RIMS2: variants seen among roughly 807,000 people sequenced by gnomAD.
The protein encoded by RIMS2 is regulating synaptic membrane exocytosis 2.
Under a neutral mutation model 174.4 loss-of-function variants are expected in RIMS2, and 59 were observed. The ratio of observed to expected loss-of-function variants is 0.34; its 90% CI spans 0.27 to 0.42. The LOEUF (loss-of-function observed/expected upper bound fraction) is 0.42. RIMS2 is among the 10% of genes least tolerant of loss of function. The probability of loss-of-function intolerance (pLI) is 1.00; values close to 1 mark genes in which losing one functional copy is unlikely to be tolerated. For missense variants in RIMS2, 1,620 were observed against 1,666.3 expected (o/e 0.97, Z 0.48); for synonymous variants, 606 against 572.5 (o/e 1.06, Z -0.84).
chr8:103,638,027 T>C (rs533111065), intron 1 of RIMS2, among the ~76,000 whole-genome samples: 1 of 152,278 alleles, frequency 6.6e-6, no homozygotes, highest in South Asian at 2.1e-4. Context: ...TTTGAAGTTA[T>C]TGGAAGAATA....
At chr8:104,106,062 A>T (rs1015234025) in intron 19 of RIMS2, among the ~76,000 whole-genome samples, 8 of 148,164 alleles carry the variant, frequency 5.4e-5, no homozygotes, top group African/African-American at 2.0e-4. Context: ...AAAAAAAAAA[A>T]AAAGAGAAAG....
intron 3 of RIMS2, among the ~76,000 whole-genome samples, chr8:103,815,383 T>TTTTTAGATATTTTTTAGATATAG (rs1482804029): frequency 6.6e-6 from 1 of 152,186 alleles, no homozygotes; most frequent in Non-Finnish European, 1.5e-5. Context: ...GTTGATTAGT[T>TTTTTAGATATTTTTTAGATATAG]TTTTAGATAT....
chr8:103,998,924 A>G (rs2095262999), intron 17 of RIMS2, among the ~76,000 whole-genome samples: 1 of 151,832 alleles, frequency 6.6e-6, no homozygotes, highest in African/African-American at 2.4e-5. Context: ...CTGGCATATA[A>G]TAGCAAGAAG....
intron 1 of RIMS2, among the ~76,000 whole-genome samples, chr8:103,585,240 C>G (rs553285503): frequency 6.6e-6 from 1 of 152,114 alleles, no homozygotes; most frequent in African/African-American, 2.4e-5. Flanking sequence ...CAGGAAACAA[C>G]AAATGCTGGT....
chr8:103,975,584 A>G, intron 16 of RIMS2, 78 bp downstream of exon 18: 1 of 949,100 alleles, frequency 1.1e-6, no homozygotes, highest in Non-Finnish European at 1.6e-6. Context: ...CTAATAGGAT[A>G]TATGTATATA....
In RIMS2 at chr8:103,587,526, A is replaced by G. The variant is rs556056536; in HGVS notation, c.176+86464A>G. The stretch of plus-strand genomic sequence containing the variant: ...GTACAAAAATCCTCAACAAAATTCT[A>G]GCAAACTGAATTCAGCAATACTTTA... On this transcript the variant is annotated intron_variant, in intron 1 of 23. Transcript: ENST00000504942. Among the ~76,000 whole-genome samples, 88 of 152,186 alleles carry G rather than the reference A, an allele frequency of 5.8e-4. 1 individual carries two copies. The Middle Eastern group carries it at 0.014, about 24-fold the overall frequency.
intron 3 of RIMS2, among the ~76,000 whole-genome samples, chr8:103,843,886 A>T (rs1851151): frequency 0.16 from 23,916 of 152,048 alleles, 1,991 homozygotes; most frequent in Middle Eastern, 0.25. Flanking sequence ...TGACTGTGTC[A>T]CCACCCAAAT....
chr8:103,703,111 A>G (rs2097186275), intron 2 of RIMS2, among the ~76,000 whole-genome samples: 1 of 151,058 alleles, frequency 6.6e-6, no homozygotes, highest in African/African-American at 2.4e-5. Flanking sequence ...CCTTTTGAGT[A>G]TCTGGGACTA....
At chr8:103,899,705 C>T (rs1565195905) in intron 4 of RIMS2, among the ~76,000 whole-genome samples, 1 of 151,684 alleles carries the variant, frequency 6.6e-6, no homozygotes, top group African/African-American at 2.4e-5. Flanking sequence ...TTTTGCTGTG[C>T]AGAAGCTCTT....
chr8:103,570,865 A>AAAGTAATTGCAAAAGTTGCAATTAT (rs2092755509), intron 1 of RIMS2, among the ~76,000 whole-genome samples: 1 of 152,134 alleles, frequency 6.6e-6, no homozygotes, highest in African/African-American at 2.4e-5. Context: ...TTTGCAATTA[A>AAAGTAATTGCAAAAGTTGCAATTAT]AAGTAATTGC....
chr8:103,914,353 ACTT>A (rs2076278221), intron 6 of RIMS2, among the ~76,000 whole-genome samples: 1 of 152,188 alleles, frequency 6.6e-6, no homozygotes, highest in Non-Finnish European at 1.5e-5. Flanking sequence ...GGACAAATAA[ACTT>A]CTCTTAGCTT....
intron 1 of RIMS2, among the ~76,000 whole-genome samples, chr8:103,548,543 A>G (rs1217716652): frequency 6.6e-6 from 1 of 152,192 alleles, no homozygotes; most frequent in African/African-American, 2.4e-5. Flanking sequence ...CCATCTATGT[A>G]AAACATACAA....
chr8:103,836,515 A>G (rs1023482652), intron 3 of RIMS2, among the ~76,000 whole-genome samples: 1 of 152,214 alleles, frequency 6.6e-6, no homozygotes, highest in Non-Finnish European at 1.5e-5. Context: ...GAGCCATGAC[A>G]TGTTTGCACC....
chr8:103,948,044 T>C (rs774504904), intron 14 of RIMS2, among the ~76,000 whole-genome samples: 1 of 152,190 alleles, frequency 6.6e-6, no homozygotes. Flanking sequence ...TTGATAGTTA[T>C]TTGAAAGATT....
chr8:103,616,298 G>A (rs1198006545), intron 1 of RIMS2, among the ~76,000 whole-genome samples: 1 of 152,120 alleles, frequency 6.6e-6, no homozygotes, highest in Non-Finnish European at 1.5e-5. Context: ...ATGCAGAAAA[G>A]GCTTTTGATA....
intron 13 of RIMS2, among the ~76,000 whole-genome samples, chr8:103,941,403 C>T (rs1174304317): frequency 1.3e-5 from 2 of 152,110 alleles, no homozygotes; most frequent in Non-Finnish European, 2.9e-5. Flanking sequence ...GGGAGAATTG[C>T]TTTACCCTAG....
rs189464560 is a variant in RIMS2 at position 104,040,763 on chromosome 8, G to C, written c.3334+26148G>C. Among the ~76,000 whole-genome samples the C allele has an allele frequency of 1.3e-3, 195 of 151,756 alleles. 4 individuals carry two copies. Among genetic ancestry groups the C allele is most frequent in the Admixed American group, 0.012 (183 of 15,220 alleles). On this transcript the variant is annotated intron_variant, in intron 19 of 23. Transcript: ENST00000504942. ...CATAAAATTTTAATGATATTTTGCT[G>C]TATTGAAATAATTCAATTAAATATT...
At chr8:103,890,115 A>G (rs549255625) in intron 4 of RIMS2, among the ~76,000 whole-genome samples, 3 of 151,992 alleles carry the variant, frequency 2.0e-5, no homozygotes, top group Non-Finnish European at 4.4e-5. Context: ...TGGATTACTT[A>G]ATGTTCTGTG....
intron 3 of RIMS2, among the ~76,000 whole-genome samples, chr8:103,814,289 C>T (rs2098705663): frequency 6.6e-6 from 1 of 151,752 alleles, no homozygotes; most frequent in Admixed American, 6.6e-5. Context: ...GGAGTAATAA[C>T]TAATAAGTAC....
Sources: gnomAD v4.1 joint callset for allele counts (sites outside exome capture counted in the v4.1 genomes callset) on GRCh38, gnomAD v4.1.1 for gene constraint, MANE v1.5 for transcripts, NCBI Gene and HGNC (gene_info 2026-07-23, HGNC 2026-07-21) for gene names.